Variants in CTNNA2 observed in about 807,000 individuals in gnomAD.
CTNNA2 encodes catenin alpha-2.
CTNNA2 carries 42 observed loss-of-function variants against 101.0 expected under a neutral mutation model. The ratio of observed to expected loss-of-function variants is 0.42; its 90% CI spans 0.32 to 0.54. CTNNA2 has a LOEUF of 0.54. CTNNA2 is among the 20% of genes least tolerant of loss of function. CTNNA2 has a pLI of 0.14. For synonymous variants in CTNNA2, 450 were observed against 456.4 expected (o/e 0.99, Z 0.18); for missense variants, 871 against 1,223.1 (o/e 0.71, Z 4.29).
At chr2:79,669,477 C>T (rs1009447819) in intron 2 of CTNNA2, among the ~76,000 whole-genome samples, 10 of 152,114 alleles carry the variant, frequency 6.6e-5, no homozygotes, top group Admixed American at 1.3e-4. Flanking sequence ...GAATGAGGTG[C>T]GCAGACAATT....
intron 9 of CTNNA2, among the ~76,000 whole-genome samples, chr2:80,534,209 T>A (rs560725508): frequency 1.3e-5 from 2 of 152,290 alleles, no homozygotes; most frequent in South Asian, 4.1e-4. Flanking sequence ...AATGCAGATT[T>A]GTGTTTTTAT....
At chr2:80,551,165 T>C (rs1034382472) in intron 11 of CTNNA2, among the ~76,000 whole-genome samples, 2 of 152,324 alleles carry the variant, frequency 1.3e-5, no homozygotes, top group Non-Finnish European at 2.9e-5. Flanking sequence ...TGAAAAGAAT[T>C]ATTTTTATTC....
chr2:80,331,264 CAT>C (rs949354233), intron 7 of CTNNA2, among the ~76,000 whole-genome samples: 3 of 152,166 alleles, frequency 2.0e-5, no homozygotes, highest in Non-Finnish European at 4.4e-5. Flanking sequence ...CAGACATACT[CAT>C]GTGGCAGGAT....
chr2:79,828,563 C>T (rs1243285543), intron 3 of CTNNA2, among the ~76,000 whole-genome samples: 1 of 152,062 alleles, frequency 6.6e-6, no homozygotes, highest in Non-Finnish European at 1.5e-5. Flanking sequence ...AGATCAGTTG[C>T]AAAGTAATGG....
At chr2:79,409,412 C>G (rs1444065431) in intron 4 of CTNNA2, among the ~76,000 whole-genome samples, 1 of 152,062 alleles carries the variant, frequency 6.6e-6, no homozygotes. Context: ...AGGCTTTTTT[C>G]TAGGGTTTTT....
Position 79,962,105 on chromosome 2 carries a change from T to G in CTNNA2, c.1056+52308T>G, listed in dbSNP as rs142571203. Reference sequence around the variant, plus strand: ...GAGGCCTTAAATCAAAGCCATATGCTAGACAAGTAGCCATCTTTCAAAGGT... The same window carrying G: ...GAGGCCTTAAATCAAAGCCATATGCGAGACAAGTAGCCATCTTTCAAAGGT... On this transcript the variant is annotated intron_variant, in intron 7 of 18. Coordinates refer to ENST00000402739, the MANE Select transcript of CTNNA2 (RefSeq NM_001282597.3). Among the ~76,000 whole-genome samples, 1,025 of 152,366 alleles carry G rather than the reference T, an allele frequency of 6.7e-3. 8 individuals carry two copies. Among genetic ancestry groups the G allele is most frequent in the African/African-American group, 0.023 (958 of 41,592 alleles).
intron 7 of CTNNA2, among the ~76,000 whole-genome samples, chr2:80,140,172 G>A (rs1702920958): frequency 6.6e-6 from 1 of 152,196 alleles, no homozygotes; most frequent in African/African-American, 2.4e-5. Context: ...AAGAACAACA[G>A]TCAGGCACGA....
intron 9 of CTNNA2, among the ~76,000 whole-genome samples, chr2:80,456,852 A>C (rs1559125690): frequency 6.6e-6 from 1 of 152,168 alleles, no homozygotes; most frequent in Admixed American, 6.5e-5. Flanking sequence ...GAAGCAGGGA[A>C]TAAAGAGAGG....
chr2:80,332,098 A>G (rs1466162616), intron 7 of CTNNA2, among the ~76,000 whole-genome samples: 8 of 152,080 alleles, frequency 5.3e-5, no homozygotes. Flanking sequence ...TTGCTCTATA[A>G]TGAAACAAGC....
intron 2 of CTNNA2, among the ~76,000 whole-genome samples, chr2:79,301,550 C>T (rs953003534): frequency 8.5e-5 from 13 of 152,164 alleles, no homozygotes; most frequent in African/African-American, 1.4e-4. Flanking sequence ...TATGCTCCTA[C>T]GTTCGCTGCT....
chr2:79,380,074 G>A lies in CTNNA2; in HGVS notation c.-135+6061G>A, dbSNP rs556795649. 2.0e-5 allele frequency among the ~76,000 whole-genome samples: 3 copies of A among 152,260 alleles called. No homozygotes were observed. In the East Asian group the frequency reaches 5.8e-4, roughly 29 times the overall value. ...TTATTGTACCACTTTCTTCTGTCCAGAGGGACATTACAAAACAACTTTTTA... is the reference window on the plus strand; with the variant it reads ...TTATTGTACCACTTTCTTCTGTCCAAAGGGACATTACAAAACAACTTTTTA... On this transcript the variant is annotated intron_variant, in intron 4 of 21. Transcript: ENST00000466387.
chr2:79,389,895 A>C (rs1009364493), intron 4 of CTNNA2, among the ~76,000 whole-genome samples: 1 of 152,212 alleles, frequency 6.6e-6, no homozygotes, highest in Admixed American at 6.5e-5. Flanking sequence ...ATCAACTGAT[A>C]ATGATTATGT....
chr2:79,293,304 A>T (rs1423774264), intron 2 of CTNNA2: 1 of 152,166 alleles, frequency 6.6e-6, no homozygotes, highest in Admixed American at 6.5e-5. Context: ...CTCATTCAGG[A>T]TGAGAAATGT....
At chr2:80,390,782 A>T (rs773313631) in intron 7 of CTNNA2, among the ~76,000 whole-genome samples, 1 of 152,122 alleles carries the variant, frequency 6.6e-6, no homozygotes, top group Non-Finnish European at 1.5e-5. Context: ...TCTTTATTTA[A>T]ATTTTTGATA....
At position 80,531,493 on chromosome 2, in the gene CTNNA2, G is replaced by C. The variant is rs1573158905; in HGVS notation, c.1291-13489G>C. On this transcript the variant is annotated intron_variant, in intron 9 of 18. Transcript: ENST00000402739. ...TAGAGTGATCCTCCAGTTTCAGGAA[G>C]AGGTTGTTGATGGTGCTACATTGAG... Among the ~76,000 whole-genome samples the C allele has an allele frequency of 2.0e-5, 3 of 152,348 alleles. No homozygotes were observed. The South Asian group carries it at 6.2e-4, about 32-fold the overall frequency.
At chr2:79,557,862 A>G (rs779821665) in intron 1 of CTNNA2, among the ~76,000 whole-genome samples, 2 of 152,008 alleles carry the variant, frequency 1.3e-5, no homozygotes, top group African/African-American at 4.8e-5. Flanking sequence ...GTGGTACTGA[A>G]CCTAATTAAA....
At chr2:79,493,019 A>G (rs1031847328) in intron 4 of CTNNA2, among the ~76,000 whole-genome samples, 1 of 152,232 alleles carries the variant, frequency 6.6e-6, no homozygotes, top group Non-Finnish European at 1.5e-5. Context: ...CTCTGTCATT[A>G]TAAGAACCAT....
chr2:80,394,236 G>A (rs1363142705), intron 8 of CTNNA2, among the ~76,000 whole-genome samples: 2 of 152,174 alleles, frequency 1.3e-5, no homozygotes, highest in Non-Finnish European at 2.9e-5. Context: ...AACAAAATTA[G>A]CAAGAGGCCT....
At chr2:80,606,134 C>T (rs1458688701) in intron 16 of CTNNA2, among the ~76,000 whole-genome samples, 1 of 151,708 alleles carries the variant, frequency 6.6e-6, no homozygotes, top group African/African-American at 2.4e-5. Flanking sequence ...ATTGGCCATC[C>T]ACCAATTTGT....
Sources: allele counts gnomAD v4.1 joint callset (sites outside exome capture counted in the v4.1 genomes callset), GRCh38; gene constraint gnomAD v4.1.1; transcripts MANE v1.5; gene names NCBI Gene and HGNC (gene_info 2026-07-23, HGNC 2026-07-21).